NPR3: variants seen among roughly 807,000 people sequenced by gnomAD.
NPR3 encodes the protein natriuretic peptide receptor 3.
NPR3 carries 34 observed loss-of-function variants against 54.5 expected under a neutral mutation model. The observed-to-expected ratio is 0.62, with a 90% confidence interval of 0.47 to 0.83. NPR3 has a LOEUF of 0.83. NPR3 is among the 40% of genes least tolerant of loss of function. NPR3 has a pLI of 0.00. For synonymous variants in NPR3, 289 were observed against 297.1 expected (o/e 0.97, Z 0.28); for missense variants, 674 against 720.8 (o/e 0.94, Z 0.74).
chr5:32,754,938 G>A (rs369355532), intron 3 of NPR3, among the ~76,000 whole-genome samples: 1 of 152,220 alleles, frequency 6.6e-6, no homozygotes, highest in South Asian at 2.1e-4. Context: ...TCCGCCCACT[G>A]CAAGCTCCGC....
rs1283778962 is a variant in NPR3 at position 32,791,399 on chromosome 5, G to A, written c.*5054G>A. 6.0e-6 allele frequency: 1 copy of A among 167,084 alleles called. No homozygotes were observed. The highest frequency in any genetic ancestry group is 2.4e-5 in the African/African-American group (1 of 41,454). The allele number at this position is 167,084 out of a possible 1,614,324, so 10.4% of individuals were successfully genotyped here. On this transcript the variant is annotated 3_prime_UTR_variant, in exon 8 of 8. Coordinates refer to ENST00000265074, the MANE Select transcript of NPR3 (RefSeq NM_001204375.2). ...CTACCAAACAGTACAAATCTATCAT[G>A]AGTCTGGTAGAAAAGTAAAAGTAAA...
rs1163983398 is a variant in NPR3 at position 32,699,692 on chromosome 5, G to C, written c.100+10506G>C. Among the ~76,000 whole-genome samples, 5 of 152,090 alleles carry C rather than the reference G, an allele frequency of 3.3e-5. No homozygotes were observed. In the East Asian group the frequency reaches 9.6e-4, roughly 29 times the overall value. ...TTATTATTTTTGATTAGTTTATGTT[G>C]TTGTCATTCTACTCGACATGAGTAG... On this transcript the variant is annotated intron_variant, in intron 1 of 5. Transcript: ENST00000509104.
chr5:32,693,887 CG>C (rs369536145), intron 1 of NPR3, among the ~76,000 whole-genome samples: 8 of 152,294 alleles, frequency 5.3e-5, no homozygotes, highest in African/African-American at 1.9e-4. Context: ...ATACACTCCC[CG>C]CAATGCAATC....
intron 4 of NPR3, among the ~76,000 whole-genome samples, chr5:32,778,864 A>C (rs1478068165): frequency 6.6e-6 from 1 of 152,232 alleles, no homozygotes; most frequent in Non-Finnish European, 1.5e-5. Flanking sequence ...AGCAGGACAC[A>C]ACATCACAAA....
rs1200373279 is a variant in NPR3, at chr5:32,787,795, T to C, written c.*1450T>C. On this transcript the variant is annotated 3_prime_UTR_variant, in exon 8 of 8. Transcript: ENST00000265074. The stretch of plus-strand genomic sequence containing the variant: ...TTTCACTTATACTTTATGGAGAAGA[T>C]AGACAGTGAGGGAGGAATGGGAAGC... 1.3e-5 allele frequency: 2 copies of C among 152,242 alleles called. No homozygotes were observed. Among genetic ancestry groups the C allele is most frequent in the African/African-American group, 4.8e-5 (2 of 41,470 alleles). The allele number at this position is 152,242 out of a possible 1,614,324, so 9.4% of individuals were successfully genotyped here.
At chr5:32,782,001 C>T (rs1333668201) in intron 5 of NPR3, among the ~76,000 whole-genome samples, 1 of 152,088 alleles carries the variant, frequency 6.6e-6, no homozygotes, top group Non-Finnish European at 1.5e-5. Context: ...CTTCCAAGAA[C>T]CTGGGTGGGA....
intron 1 of NPR3, chr5:32,713,199 C>G: frequency 1.0e-6 from 1 of 985,442 alleles, no homozygotes. Flanking sequence ...CTCACTTCTC[C>G]CAGAGTGTTC....
chr5:32,752,207 C>CCAAAAACAAAAA lies in NPR3; in HGVS notation c.1059+13210_1059+13221dup, dbSNP rs58111360. The stretch of plus-strand genomic sequence containing the variant: ...CAACAAGAGCGAGACTCCTCCACCT[C>CCAAAAACAAAAA]CAAAAACAAAAACAAAAACAAAAAC... On this transcript the variant is annotated intron_variant, in intron 3 of 7. Coordinates refer to ENST00000265074, the MANE Select transcript of NPR3 (RefSeq NM_001204375.2). Among the ~76,000 whole-genome samples, 42 of 149,960 alleles carry CCAAAAACAAAAA rather than the reference C, an allele frequency of 2.8e-4. 1 individual carries two copies. The highest frequency in any genetic ancestry group is 3.9e-4 in the East Asian group (2 of 5,114).
chr5:32,733,087 C>T (rs112663296), intron 2 of NPR3, among the ~76,000 whole-genome samples: 20 of 152,046 alleles, frequency 1.3e-4, no homozygotes, highest in African/African-American at 4.3e-4. Flanking sequence ...TCAGATGATC[C>T]GCCTGCCTCG....
chr5:32,757,327 G>A (rs1295552712), intron 3 of NPR3, among the ~76,000 whole-genome samples: 1 of 152,202 alleles, frequency 6.6e-6, no homozygotes, highest in African/African-American at 2.4e-5. Flanking sequence ...CACATCCCTT[G>A]TAAGTTGGAT....
chr5:32,733,724 G>A (rs1361629738), intron 2 of NPR3, among the ~76,000 whole-genome samples: 1 of 152,172 alleles, frequency 6.6e-6, no homozygotes, highest in African/African-American at 2.4e-5. Flanking sequence ...AAAAGAAAAA[G>A]AATTCTCACA....
upstream of NPR3, chr5:32,710,888 G>A (rs1738182177): frequency 3.2e-6 from 3 of 951,408 alleles, no homozygotes; most frequent in Non-Finnish European, 1.4e-6. Flanking sequence ...CGGTGTGTGT[G>A]TGTATATGTG....
intron 3 of NPR3, among the ~76,000 whole-genome samples, chr5:32,764,753 A>G (rs1281204561): frequency 7.5e-6 from 1 of 133,088 alleles, no homozygotes; most frequent in Non-Finnish European, 1.5e-5. Context: ...ACGCCACTCC[A>G]TTCCAGCCTG....
At chr5:32,704,760 C>T (rs750325067), upstream of NPR3, among the ~76,000 whole-genome samples, 15 of 152,184 alleles carry the variant, frequency 9.9e-5, no homozygotes, top group Non-Finnish European at 1.6e-4. Context: ...CTGCAACATG[C>T]GCTGGCGTTT....
At chr5:32,762,774 T>C (rs1356404642) in intron 3 of NPR3, among the ~76,000 whole-genome samples, 2 of 152,322 alleles carry the variant, frequency 1.3e-5, no homozygotes, top group African/African-American at 4.8e-5. Context: ...TCTCCCATTC[T>C]GTAGGTTGCC....
chr5:32,706,152 A>G (rs1737978545), upstream of NPR3, among the ~76,000 whole-genome samples: 1 of 151,932 alleles, frequency 6.6e-6, no homozygotes, highest in Admixed American at 6.6e-5. Context: ...CTCCCTGCCA[A>G]CCCTGCACTC....
At chr5:32,700,939 A>G (rs1380232968) in intron 1 of NPR3, among the ~76,000 whole-genome samples, 1 of 152,158 alleles carries the variant, frequency 6.6e-6, no homozygotes, top group Non-Finnish European at 1.5e-5. Context: ...GTCAAATGGT[A>G]TTTCTAGTTC....
rs779664215 is a variant in NPR3, at chr5:32,789,412, C to T, written c.*3067C>T. The T allele has an allele frequency of 3.4e-5, 18 of 523,116 alleles. No homozygotes were observed. The highest frequency in any genetic ancestry group is 7.0e-5 in the Non-Finnish European group (18 of 255,334). The allele number at this position is 523,116 out of a possible 1,614,324, so 32.4% of individuals were successfully genotyped here. A position where few individuals can be genotyped will look rare whatever the true frequency, so the allele number is the denominator to read the frequency against. On this transcript the variant is annotated 3_prime_UTR_variant, in exon 8 of 8. Coordinates refer to ENST00000265074, the MANE Select transcript of NPR3 (RefSeq NM_001204375.2). The stretch of plus-strand genomic sequence containing the variant: ...CTGACCACAGGTTTCATGAGAAGGT[C>T]CCTGAAAACATCACATTTCTCTGAA...
chr5:32,717,165 C>T (rs1738602915), intron 1 of NPR3, among the ~76,000 whole-genome samples: 1 of 152,102 alleles, frequency 6.6e-6, no homozygotes, highest in African/African-American at 2.4e-5. Context: ...CATCCATTTC[C>T]CTGCAAAGGA....
Sources: allele counts gnomAD v4.1 joint callset (sites outside exome capture counted in the v4.1 genomes callset), GRCh38; gene constraint gnomAD v4.1.1; transcripts MANE v1.5; gene names NCBI Gene and HGNC (gene_info 2026-07-23, HGNC 2026-07-21).